The following SCN11A variants were observed in gnomAD, a reference collection of about 807,000 sequenced individuals.
SCN11A encodes the protein sodium channel protein type 11 subunit alpha.
SCN11A carries 122 observed loss-of-function variants against 162.2 expected under a neutral mutation model. The observed-to-expected ratio is 0.75, with a 90% CI of 0.65 to 0.87. The LOEUF (loss-of-function observed/expected upper bound fraction) is 0.87, where lower values mean the gene tolerates loss of function less well. Ranked by LOEUF, SCN11A falls within the 40% of genes least tolerant of loss-of-function variation. The pLI is 0.00. For synonymous variants in SCN11A, 758 were observed against 751.5 expected, an observed-to-expected ratio of 1.01 and a Z score of -0.14; for missense variants, 2,015 against 2,181.6, an observed-to-expected ratio of 0.92 and a Z score of 1.52.
At chr3:38,920,565 C>A (rs1408476164) in intron 10 of SCN11A, among the ~76,000 whole-genome samples, 2 of 151,992 alleles carry the variant, frequency 1.3e-5, no homozygotes, top group Non-Finnish European at 2.9e-5. Flanking sequence ...GCGGCACATG[C>A]CTGTAATCCC....
chr3:38,883,235 G>A lies in SCN11A; in HGVS notation c.3217C>T (p.Leu1073=), dbSNP rs1166162796. 6.2e-7 allele frequency: 1 copy of A among 1,612,176 alleles called. No individual in the cohort carries two copies. The highest frequency in any genetic ancestry group is 8.5e-7 in the Non-Finnish European group (1 of 1,178,988). ...IFVILLSSGA[L]IFEDVHLENQ... Reference sequence around the variant, plus strand: ...TCCACAAGACAATGATGATTTACCAGTGCCCCACTGCTCAGCAGAATCACA... The same window carrying A: ...TCCACAAGACAATGATGATTTACCAATGCCCCACTGCTCAGCAGAATCACA... Residue 1073 remains leucine (L), a splice_region_variant and synonymous_variant, in exon 22 of 30, where the codon CTG becomes TTG. Coordinates refer to ENST00000302328, the MANE Select transcript of SCN11A (RefSeq NM_001349253.2).
intron 2 of SCN11A, among the ~76,000 whole-genome samples, chr3:39,001,540 G>T (rs1490267194): frequency 2.6e-5 from 4 of 152,106 alleles, no homozygotes; most frequent in Non-Finnish European, 4.4e-5. Context: ...TGGACATTTG[G>T]ATTGTTTCTA....
intron 2 of SCN11A, among the ~76,000 whole-genome samples, chr3:39,009,521 A>G (rs1420413244): frequency 1.3e-5 from 2 of 150,938 alleles, no homozygotes; most frequent in Non-Finnish European, 2.9e-5. Flanking sequence ...TCAGAAAACT[A>G]ATGGAGAGTT....
chr3:39,003,244 A>T (rs2030870576), intron 2 of SCN11A, among the ~76,000 whole-genome samples: 1 of 152,100 alleles, frequency 6.6e-6, no homozygotes, highest in Non-Finnish European at 1.5e-5. Context: ...ATAAGTTCTC[A>T]TCATTTAGCT....
At chr3:38,961,486 A>C (rs34111304) in intron 2 of SCN11A, among the ~76,000 whole-genome samples, 16,560 of 152,264 alleles carry the variant, frequency 0.11, 985 homozygotes, top group Middle Eastern at 0.16. Flanking sequence ...CCTGGCATGG[A>C]GCATATGGCT....
At chr3:39,048,586 T>C (rs1372441759) in intron 1 of SCN11A, among the ~76,000 whole-genome samples, 1 of 152,164 alleles carries the variant, frequency 6.6e-6, no homozygotes, top group South Asian at 2.1e-4. Context: ...CTGTACCCCA[T>C]ATATATGTAC....
chr3:38,847,301 A>G lies in SCN11A; in HGVS notation c.4769T>C (p.Ile1590Thr). ...CATGTTGACAACAATGAGAAAGGAG[A>G]TGATAATGTAACTGACAAAGTAGGA... ...ATSYFVSYII[I>T]SFLIVVNMYI... The change falls in exon 30 of 30, where the codon ATC becomes ACC. Residue 1590 changes from isoleucine (I) to threonine (T), a missense_variant. Transcript: ENST00000302328. The G allele has an allele frequency of 6.2e-7, 1 of 1,614,096 alleles. No individual in the cohort carries two copies. The highest frequency in any genetic ancestry group is 2.2e-5 in the East Asian group (1 of 44,892).
intron 1 of SCN11A, among the ~76,000 whole-genome samples, chr3:39,042,101 C>A (rs2032060981): frequency 6.6e-6 from 1 of 151,662 alleles, no homozygotes; most frequent in Admixed American, 6.6e-5. Flanking sequence ...AAACCCTGTC[C>A]CCACCAAAAA....
Position 38,987,309 on chromosome 3 carries a change from A to T in SCN11A, c.-279-26886T>A, listed in dbSNP as rs4995456. Reference sequence around the variant, plus strand: ...CTCTCTCTCTCTCTCTCTCTCACACACACACACACACACACACACACACAC... The same window carrying T: ...CTCTCTCTCTCTCTCTCTCTCACACTCACACACACACACACACACACACAC... On this transcript the variant is annotated intron_variant, in intron 2 of 29. Coordinates refer to ENST00000302328, the MANE Select transcript of SCN11A (RefSeq NM_001349253.2). Among the ~76,000 whole-genome samples, 533 of 79,988 alleles carry T rather than the reference A, an allele frequency of 6.7e-3. 5 individuals carry two copies. Among genetic ancestry groups the T allele is most frequent in the African/African-American group, 0.025 (380 of 15,372 alleles). 52.5% of individuals were successfully genotyped at this position (79,988 alleles called of 152,430 possible). A position where few individuals can be genotyped will look rare whatever the true frequency, so the allele number is the denominator to read the frequency against.
At chr3:39,025,756 G>C (rs2031572931) in intron 2 of SCN11A, among the ~76,000 whole-genome samples, 1 of 152,132 alleles carries the variant, frequency 6.6e-6, no homozygotes, top group Admixed American at 6.5e-5. Flanking sequence ...TTCATGACCT[G>C]TATGTTGTGC....
At chr3:38,881,839 C>A (rs543422914) in intron 22 of SCN11A, among the ~76,000 whole-genome samples, 1 of 152,298 alleles carries the variant, frequency 6.6e-6, no homozygotes, top group African/African-American at 2.4e-5. Flanking sequence ...CTACACCTGC[C>A]TTTCCGAAGG....
At chr3:38,922,433 A>G (rs907011513) in intron 9 of SCN11A, among the ~76,000 whole-genome samples, 1 of 152,228 alleles carries the variant, frequency 6.6e-6, no homozygotes, top group African/African-American at 2.4e-5. Flanking sequence ...ATTTTTTAAT[A>G]GTCTCATAAA....
At chr3:38,895,856 G>A (rs1327168265) in intron 18 of SCN11A, among the ~76,000 whole-genome samples, 1 of 151,996 alleles carries the variant, frequency 6.6e-6, no homozygotes, top group Non-Finnish European at 1.5e-5. Flanking sequence ...CTGTTCTTCT[G>A]AGCTTTTGTA....
intron 7 of SCN11A, among the ~76,000 whole-genome samples, chr3:38,937,571 C>G (rs1425865227): frequency 3.3e-5 from 5 of 151,400 alleles, no homozygotes; most frequent in African/African-American, 1.2e-4. Flanking sequence ...AGGACATGAA[C>G]AGACACTTCT....
chr3:38,916,451 CTA>C (rs1010486656), intron 11 of SCN11A, among the ~76,000 whole-genome samples: 2 of 152,210 alleles, frequency 1.3e-5, no homozygotes, highest in Admixed American at 1.3e-4. Flanking sequence ...CTCATCTACT[CTA>C]TGCATCCATT....
At chr3:38,995,705 A>G (rs1259907839) in intron 2 of SCN11A, among the ~76,000 whole-genome samples, 1 of 152,104 alleles carries the variant, frequency 6.6e-6, no homozygotes, top group Non-Finnish European at 1.5e-5. Flanking sequence ...CTAGAATTAC[A>G]CCACAGTTTT....
chr3:38,998,572 A>T (rs923127953), intron 2 of SCN11A, among the ~76,000 whole-genome samples: 2 of 152,196 alleles, frequency 1.3e-5, no homozygotes, highest in East Asian at 3.8e-4. Context: ...TACCCAAAGG[A>T]TTATAAATCA....
At chr3:39,029,586 G>C (rs1355147157) in intron 2 of SCN11A, among the ~76,000 whole-genome samples, 1 of 152,150 alleles carries the variant, frequency 6.6e-6, no homozygotes, top group Non-Finnish European at 1.5e-5. Flanking sequence ...TACAACTCAG[G>C]GCATTTAGAA....
intron 23 of SCN11A, 90 bp downstream of exon 23, chr3:38,879,860 A>G: frequency 1.0e-6 from 1 of 961,690 alleles, no homozygotes; most frequent in Non-Finnish European, 1.6e-6. Flanking sequence ...ACAGACATCC[A>G]TATGCGGCAC....
Sources: allele counts gnomAD v4.1 joint callset (sites outside exome capture counted in the v4.1 genomes callset), GRCh38; gene constraint gnomAD v4.1.1; transcripts MANE v1.5; gene names NCBI Gene and HGNC (gene_info 2026-07-23, HGNC 2026-07-21).